The following PRR11 variants were observed in gnomAD, a reference collection of about 807,000 sequenced individuals.
PRR11 encodes the protein proline-rich protein 11.
In PRR11, 30 loss-of-function variants were observed where a neutral mutation model predicts 45.6. That is an observed-to-expected ratio of 0.66 (90% confidence interval 0.49 to 0.89). The LOEUF is 0.89. PRR11 is among the 40% of genes least tolerant of loss of function. PRR11 has a pLI of 0.00. For missense variants in PRR11, 373 were observed against 424.8 expected, an observed-to-expected ratio of 0.88 and a Z score of 1.07; for synonymous variants, 128 against 153.5, an observed-to-expected ratio of 0.83 and a Z score of 1.23.
intron 4 of PRR11, among the ~76,000 whole-genome samples, chr17:59,186,844 C>T (rs960627633): frequency 5.3e-5 from 8 of 152,082 alleles, no homozygotes; most frequent in Non-Finnish European, 1.2e-4. Context: ...AAAAGACCAA[C>T]AACTTAGCAG....
In PRR11 at chr17:59,158,318, T is replaced by C. The variant is rs548385596; in HGVS notation, c.-6+2513T>C. On this transcript the variant is annotated intron_variant, in intron 1 of 9. Coordinates refer to ENST00000262293, the MANE Select transcript of PRR11 (RefSeq NM_018304.4). Reference sequence around the variant, plus strand: ...TAAAGAGACACTACTGCTAAATGCATGTGGAACCAGGGTGGGAGAAGCTAT... The same window carrying C: ...TAAAGAGACACTACTGCTAAATGCACGTGGAACCAGGGTGGGAGAAGCTAT... Among the ~76,000 whole-genome samples, 8 of 152,322 alleles carry C rather than the reference T, an allele frequency of 5.3e-5. No individual in the cohort carries two copies. In the South Asian group the frequency reaches 1.7e-3, roughly 32 times the overall value.
chr17:59,201,706 C>T lies in PRR11; in HGVS notation c.*75C>T. On this transcript the variant is annotated 3_prime_UTR_variant, in exon 10 of 10. Coordinates refer to ENST00000262293, the MANE Select transcript of PRR11 (RefSeq NM_018304.4). ...AAACACCCAGCTGGGTGCAGTGGCT[C>T]ACACCTGTAATCCCAGCACTTTGGG... is the stretch of plus-strand genomic sequence containing the variant. The T allele has an allele frequency of 6.8e-7, 1 of 1,471,686 alleles. No individual in the cohort carries two copies. The highest frequency in any genetic ancestry group is 9.5e-7 in the Non-Finnish European group (1 of 1,056,588). The allele number at this position is 1,471,686 out of a possible 1,614,324, so 91.2% of individuals were successfully genotyped here.
intron 2 of PRR11, among the ~76,000 whole-genome samples, chr17:59,171,512 T>G (rs1454195465): frequency 6.6e-6 from 1 of 151,952 alleles, no homozygotes; most frequent in Non-Finnish European, 1.5e-5. Flanking sequence ...ATAAAAAGAA[T>G]CCTCTCTTAA....
chr17:59,181,653 C>G, intron 2 of PRR11: 1 of 1,520,510 alleles, frequency 6.6e-7, no homozygotes, highest in Non-Finnish European at 8.9e-7. Context: ...CCTTCTCTGG[C>G]GCCTCCTCCG....
chr17:59,165,953 A>T (rs1275088318), intron 1 of PRR11, among the ~76,000 whole-genome samples: 1 of 152,214 alleles, frequency 6.6e-6, no homozygotes, highest in Admixed American at 6.5e-5. Context: ...CTAAGCCCGT[A>T]AGGACAATTA....
intron 2 of PRR11, among the ~76,000 whole-genome samples, chr17:59,180,510 G>GTTTTTTTTT (rs1555716481): frequency 3.0e-4 from 33 of 108,636 alleles, no homozygotes; most frequent in South Asian, 9.3e-4. Context: ...TTTTTTTTTT[G>GTTTTTTTTT]TTTTTTTTGT....
At chr17:59,162,700 T>C (rs576652802) in intron 1 of PRR11, among the ~76,000 whole-genome samples, 20 of 151,332 alleles carry the variant, frequency 1.3e-4, no homozygotes, top group Non-Finnish European at 2.7e-4. Context: ...TTTAGACAAA[T>C]ACTGACTTCC....
In PRR11 at chr17:59,185,454, G is replaced by C. The variant is rs756266060; in HGVS notation, c.294G>C (p.Leu98Phe). ...QNCITQSLEVLKDTIFPSRIC... is the reference protein window; with the variant it reads ...QNCITQSLEVFKDTIFPSRIC... ...ATTAATTTCAGAGTTTAGAAGTATT[G>C]AAAGACACCATCTTTCCATCTCGTA... is the stretch of plus-strand genomic sequence containing the variant. The change falls in exon 4 of 10, where the codon TTG becomes TTC. Residue 98 changes from leucine (L) to phenylalanine (F), a missense_variant. Physicochemically the swap from Leu to Phe is conservative, Grantham distance 22. Coordinates refer to ENST00000262293, the MANE Select transcript of PRR11 (RefSeq NM_018304.4). 1 of 1,601,390 alleles carries C rather than the reference G, an allele frequency of 6.2e-7. No homozygotes were observed. Among genetic ancestry groups the C allele is most frequent in the South Asian group, 1.1e-5 (1 of 90,604 alleles).
intron 9 of PRR11, among the ~76,000 whole-genome samples, chr17:59,200,637 C>T (rs1181763550): frequency 6.6e-6 from 1 of 152,052 alleles, no homozygotes; most frequent in Non-Finnish European, 1.5e-5. Context: ...GGACTACAGG[C>T]GCCCGCCACC....
chr17:59,179,251 G>A (rs1331759320), intron 2 of PRR11, among the ~76,000 whole-genome samples: 1 of 152,122 alleles, frequency 6.6e-6, no homozygotes, highest in East Asian at 1.9e-4. Context: ...CTCCCAAAGT[G>A]CTGGGATTAC....
intron 4 of PRR11, among the ~76,000 whole-genome samples, chr17:59,188,557 G>A (rs1284367939): frequency 6.6e-6 from 1 of 152,100 alleles, no homozygotes; most frequent in African/African-American, 2.4e-5. Context: ...TAGCCGTTAA[G>A]AAGAATGAGG....
rs1301286151 is a variant in PRR11, at chr17:59,202,818, A to G, written c.*1187A>G. 6.6e-6 allele frequency: 1 copy of G among 152,118 alleles called. No individual in the cohort carries two copies. The highest frequency in any genetic ancestry group is 1.9e-4 in the East Asian group (1 of 5,188). 9.4% of individuals were successfully genotyped at this position (152,118 alleles called of 1,614,324 possible). A position where few individuals can be genotyped will look rare whatever the true frequency, so the allele number is the denominator to read the frequency against. On this transcript the variant is annotated 3_prime_UTR_variant, in exon 10 of 10. Coordinates refer to ENST00000262293, the MANE Select transcript of PRR11 (RefSeq NM_018304.4). ...CTGTTGTCACTGACCTATGTAATCAAAGACAGTAATACAGCCTGGGAAACA... is the reference window on the plus strand; with the variant it reads ...CTGTTGTCACTGACCTATGTAATCAGAGACAGTAATACAGCCTGGGAAACA...
At chr17:59,179,593 G>T in intron 2 of PRR11, 2 of 1,503,724 alleles carry the variant, frequency 1.3e-6, no homozygotes, top group South Asian at 2.2e-5. Flanking sequence ...GTTATTGGAA[G>T]TTTCCTCTTT....
rs778848383 is a variant in PRR11 at position 59,169,760 on chromosome 17, A to C, written c.8A>C (p.Lys3Thr). 3 of 1,589,892 alleles carry C rather than the reference A, an allele frequency of 1.9e-6. No homozygotes were observed. ...AATTTCTCTGCAGAAATCATGCCCAAGTTCAAACAACGAAGACGAAAGCTA... is the reference window on the plus strand; with the variant it reads ...AATTTCTCTGCAGAAATCATGCCCACGTTCAAACAACGAAGACGAAAGCTA... Reference protein sequence around the residue: MPKFKQRRRKLKA... With the variant: MPTFKQRRRKLKA... Residue 3 changes from lysine (K) to threonine (T), a missense_variant, in exon 2 of 10, where the codon AAG (lysine) becomes ACG (threonine). By Grantham distance (78) the Lys-to-Thr change is moderately conservative. Coordinates refer to ENST00000262293, the MANE Select transcript of PRR11 (RefSeq NM_018304.4).
At chr17:59,187,138 A>G (rs2046817785) in intron 4 of PRR11, among the ~76,000 whole-genome samples, 1 of 152,126 alleles carries the variant, frequency 6.6e-6, no homozygotes, top group Non-Finnish European at 1.5e-5. Context: ...GAACCCGGAA[A>G]GTGGAGACTG....
intron 4 of PRR11, among the ~76,000 whole-genome samples, chr17:59,190,235 G>A (rs2046834787): frequency 6.6e-6 from 1 of 152,130 alleles, no homozygotes. Flanking sequence ...ACTTTGGGAG[G>A]CCAAGGCTGG....
intron 2 of PRR11, among the ~76,000 whole-genome samples, chr17:59,174,655 C>CG (rs1470319132): frequency 6.6e-6 from 1 of 152,082 alleles, no homozygotes; most frequent in Non-Finnish European, 1.5e-5. Flanking sequence ...GGCTCGAAGC[C>CG]GGATCAAGCA....
intron 1 of PRR11, among the ~76,000 whole-genome samples, chr17:59,159,651 C>G (rs2046642171): frequency 6.6e-6 from 1 of 152,208 alleles, no homozygotes; most frequent in Admixed American, 6.5e-5. Context: ...AGCTTCATCA[C>G]TCATTGCCCC....
chr17:59,160,381 G>T lies in PRR11; in HGVS notation c.-6+4576G>T, dbSNP rs541960527. ...CTTCCTCTTGTTGTTTGTTTGTTTG[G>T]TTGGTTGGTTTCGGTTTTGGTTTGG... On this transcript the variant is annotated intron_variant, in intron 1 of 9. Coordinates refer to ENST00000262293, the MANE Select transcript of PRR11 (RefSeq NM_018304.4). Among the ~76,000 whole-genome samples the T allele has an allele frequency of 5.3e-5, 8 of 152,158 alleles. No individual in the cohort carries two copies. In the South Asian group the frequency reaches 1.0e-3, roughly 20 times the overall value.
Sources: allele counts gnomAD v4.1 joint callset (sites outside exome capture counted in the v4.1 genomes callset), GRCh38; gene constraint gnomAD v4.1.1; transcripts MANE v1.5; gene names NCBI Gene and HGNC (gene_info 2026-07-23, HGNC 2026-07-21).